The following RIC3 variants were observed in gnomAD, a reference collection of about 807,000 sequenced individuals.
RIC3 encodes the protein RIC3 acetylcholine receptor chaperone.
A neutral mutation model predicts 27.3 loss-of-function variants in RIC3; 28 were observed. The ratio of observed to expected loss-of-function variants is 1.02; its 90% confidence interval spans 0.76 to 1.41. The LOEUF is 1.41. Among genes scored for constraint, RIC3 ranks in the 40% most tolerant of loss-of-function variants. RIC3 has a pLI of 0.00. For synonymous variants in RIC3, 184 were observed against 160.4 expected (o/e 1.15, Z -1.11); for missense variants, 501 against 444.7 (o/e 1.13, Z -1.14).
At chr11:8,115,684 GTAA>G (rs1945777233) in intron 5 of RIC3, among the ~76,000 whole-genome samples, 1 of 152,176 alleles carries the variant, frequency 6.6e-6, no homozygotes, top group African/African-American at 2.4e-5. Flanking sequence ...GTGCATGCCT[GTAA>G]TCCCAGCTAC....
chr11:8,144,920 T>C (rs1019779367), intron 1 of RIC3, among the ~76,000 whole-genome samples: 40 of 148,552 alleles, frequency 2.7e-4, no homozygotes, highest in Admixed American at 9.5e-4. Flanking sequence ...CTCAGTAAAC[T>C]ATCGCAAGAA....
Position 8,126,664 on chromosome 11 carries a change from C to T in RIC3, c.665G>A (p.Trp222Ter). The change falls in exon 5 of 6, where the codon TGG (tryptophan) becomes TAG (stop). Residue 222 changes from tryptophan to a stop codon, truncating the protein, a stop_gained. Coordinates refer to ENST00000309737, the MANE Select transcript of RIC3 (RefSeq NM_001206671.4). LOFTEE classifies it high-confidence loss of function. The stretch of plus-strand genomic sequence containing the variant: ...AATGAGAAGACACTGTTTACCTTCC[C>T]AGTCCTCCATGTAAGGGGCCTCCTC... ...EAEEAPYMED[W>*]EGYPEETYPI... 1.9e-6 allele frequency: 3 copies of T among 1,614,040 alleles called. No homozygotes were observed. Among genetic ancestry groups the T allele is most frequent in the East Asian group, 2.2e-5 (1 of 44,872 alleles).
chr11:8,151,585 C>CAAAAAAAAAAAAAAAAA (rs60087055), intron 1 of RIC3, among the ~76,000 whole-genome samples: 2 of 61,676 alleles, frequency 3.2e-5, no homozygotes, highest in African/African-American at 1.1e-4. Context: ...AACTCCGTCT[C>CAAAAAAAAAAAAAAAAA]AAAAAAAAAA....
intron 1 of RIC3, among the ~76,000 whole-genome samples, chr11:8,165,088 G>C (rs1056832959): frequency 4.6e-5 from 7 of 152,178 alleles, no homozygotes; most frequent in East Asian, 3.9e-4. Context: ...TTGGAAAATG[G>C]TCTGGCAGTT....
At chr11:8,125,817 T>C (rs1946929997) in intron 5 of RIC3, among the ~76,000 whole-genome samples, 1 of 152,150 alleles carries the variant, frequency 6.6e-6, no homozygotes, top group Admixed American at 6.5e-5. Flanking sequence ...GGCAGGCAGA[T>C]CACTTGAGGT....
chr11:8,134,522 G>A (rs931592088), intron 4 of RIC3, among the ~76,000 whole-genome samples: 7 of 152,172 alleles, frequency 4.6e-5, no homozygotes, highest in Non-Finnish European at 1.0e-4. Flanking sequence ...GTAATGGCAT[G>A]GCTGGGTCAA....
At chr11:8,116,291 C>G (rs376918492) in intron 5 of RIC3, among the ~76,000 whole-genome samples, 1 of 152,158 alleles carries the variant, frequency 6.6e-6, no homozygotes, top group Non-Finnish European at 1.5e-5. Flanking sequence ...TCAAAATGCA[C>G]TGAAGACTTA....
downstream of RIC3, chr11:8,101,123 T>C: frequency 8.5e-7 from 1 of 1,178,112 alleles, no homozygotes; most frequent in South Asian, 1.5e-5. Flanking sequence ...CAGCTAAGGT[T>C]AGATGTATGG....
At chr11:8,148,011 C>T (rs918892248) in intron 1 of RIC3, among the ~76,000 whole-genome samples, 18 of 152,082 alleles carry the variant, frequency 1.2e-4, no homozygotes, top group Admixed American at 3.9e-4. Context: ...AGGCATGAGC[C>T]GAATTTGGGT....
chr11:8,109,782 A>G lies in RIC3; in HGVS notation c.*916T>C, dbSNP rs1416776660. The G allele has an allele frequency of 6.6e-6, 1 of 152,196 alleles. No homozygotes were observed. The highest frequency in any genetic ancestry group is 2.4e-5 in the African/African-American group (1 of 41,448). The allele number at this position is 152,196 out of a possible 1,614,324, so 9.4% of individuals were successfully genotyped here. A position where few individuals can be genotyped will look rare whatever the true frequency, so the allele number is the denominator to read the frequency against. ...GGCTTCCTGGCCTTCTGAGCTCCTC[A>G]TGGCAGGAGCAGAATTCACAATCTT... On this transcript the variant is annotated 3_prime_UTR_variant, in exon 6 of 6. Coordinates refer to ENST00000309737, the MANE Select transcript of RIC3 (RefSeq NM_001206671.4).
chr11:8,128,750 CTTTTTTTTTTTTT>C (rs1177448703), intron 4 of RIC3, among the ~76,000 whole-genome samples: 3 of 88,502 alleles, frequency 3.4e-5, no homozygotes, highest in African/African-American at 4.6e-5. Flanking sequence ...GTTGCAAAAA[CTTTTTTTTTTTTT>C]TTTTTTTTTT....
chr11:8,113,778 C>G (rs915666663), intron 5 of RIC3, among the ~76,000 whole-genome samples: 1 of 152,154 alleles, frequency 6.6e-6, no homozygotes, highest in Admixed American at 6.5e-5. Context: ...AGGACCCAAG[C>G]CAGCCCTAAT....
rs1944841229 is a variant in RIC3, at chr11:8,107,834, C to G, written c.*2864G>C. The G allele has an allele frequency of 6.6e-6, 1 of 152,168 alleles. No individual in the cohort carries two copies. The highest frequency in any genetic ancestry group is 2.4e-5 in the African/African-American group (1 of 41,418). The allele number at this position is 152,168 out of a possible 1,614,324, so 9.4% of individuals were successfully genotyped here. On this transcript the variant is annotated 3_prime_UTR_variant, in exon 6 of 6. Coordinates refer to ENST00000309737, the MANE Select transcript of RIC3 (RefSeq NM_001206671.4). ...TCCATAAAGGTATGACTTGTGTACT[C>G]TGCCACAGTGCCAAAAGGCCAGGGG...
chr11:8,139,900 A>C, intron 2 of RIC3, 67 bp downstream of exon 2: 1 of 1,388,486 alleles, frequency 7.2e-7, no homozygotes, highest in Non-Finnish European at 1.0e-6. Context: ...GTTTTAATGT[A>C]GACAATGATT....
chr11:8,138,543 A>C, intron 2 of RIC3, 196 bp from the exon 3 acceptor site: 1 of 527,108 alleles, frequency 1.9e-6, no homozygotes. Flanking sequence ...TTATCAAAGC[A>C]CAAGTGTAAA....
chr11:8,119,079 T>C (rs903055862), intron 5 of RIC3, among the ~76,000 whole-genome samples: 2 of 151,942 alleles, frequency 1.3e-5, no homozygotes, highest in African/African-American at 4.8e-5. Context: ...GAGAACAAAA[T>C]AAGGTAAATG....
chr11:8,126,881 C>A, intron 4 of RIC3, 74 bp from the exon 5 acceptor site: 1 of 1,564,906 alleles, frequency 6.4e-7, no homozygotes, highest in South Asian at 1.1e-5. Flanking sequence ...TCACTATGGT[C>A]TGTCTGGGTA....
At chr11:8,162,051 G>C (rs1046049119) in intron 1 of RIC3, among the ~76,000 whole-genome samples, 3 of 150,944 alleles carry the variant, frequency 2.0e-5, no homozygotes, top group Non-Finnish European at 4.4e-5. Context: ...CACTTTCTCC[G>C]GGCAATGGAA....
chr11:8,101,652 C>G (rs758413286), downstream of RIC3: 1 of 1,611,364 alleles, frequency 6.2e-7, no homozygotes, highest in South Asian at 1.1e-5. Flanking sequence ...GTTGCCCAGC[C>G]TGGAGCGGAG....
Sources: allele counts gnomAD v4.1 joint callset (sites outside exome capture counted in the v4.1 genomes callset), GRCh38; gene constraint gnomAD v4.1.1; transcripts MANE v1.5; gene names NCBI Gene and HGNC (gene_info 2026-07-23, HGNC 2026-07-21).